Variants in PPP4R3B observed in about 807,000 individuals in gnomAD.
PPP4R3B encodes the protein protein phosphatase 4 regulatory subunit 3B.
Under a neutral mutation model 95.4 loss-of-function variants are expected in PPP4R3B, and 52 were observed. The observed-to-expected ratio is 0.54, with a 90% confidence interval of 0.44 to 0.69. PPP4R3B has a LOEUF of 0.69. Ranked by LOEUF, PPP4R3B falls within the 30% of genes least tolerant of loss-of-function variation. The pLI, the probability that PPP4R3B is intolerant of heterozygous loss-of-function variation, is 0.00. For missense variants in PPP4R3B, 1,003 were observed against 1,005.9 expected, an observed-to-expected ratio of 1.00 and a Z score of 0.04; for synonymous variants, 407 against 343.9, an observed-to-expected ratio of 1.18 and a Z score of -2.03.
chr2:55,597,532 G>A (rs1691965347), intron 4 of PPP4R3B, among the ~76,000 whole-genome samples: 1 of 152,188 alleles, frequency 6.6e-6, no homozygotes, highest in Admixed American at 6.5e-5. Context: ...TGAGGCAGGA[G>A]AATGGCGTGA....
At chr2:55,595,874 T>C (rs768932149) in intron 4 of PPP4R3B, among the ~76,000 whole-genome samples, 5 of 152,150 alleles carry the variant, frequency 3.3e-5, no homozygotes, top group Non-Finnish European at 7.3e-5. Context: ...ACTAAGTATA[T>C]AGTAGCTGCT....
intron 2 of PPP4R3B, among the ~76,000 whole-genome samples, chr2:55,607,195 GA>G (rs969325452): frequency 6.6e-6 from 1 of 152,168 alleles, no homozygotes; most frequent in African/African-American, 2.4e-5. Flanking sequence ...TCATCACCAA[GA>G]AGTGTGAGGA....
At chr2:55,607,778 C>A (rs1693624055) in intron 2 of PPP4R3B, among the ~76,000 whole-genome samples, 1 of 152,174 alleles carries the variant, frequency 6.6e-6, no homozygotes, top group South Asian at 2.1e-4. Context: ...ATCTTCTAAC[C>A]ATGCCTTGGT....
chr2:55,613,079 C>A (rs1226843011), intron 2 of PPP4R3B, among the ~76,000 whole-genome samples: 1 of 152,066 alleles, frequency 6.6e-6, no homozygotes, highest in Non-Finnish European at 1.5e-5. Context: ...CCACTGTACT[C>A]CAGCCTAAGG....
chr2:55,617,002 G>GT, intron 1 of PPP4R3B, 142 bp downstream of exon 1: 1 of 880,640 alleles, frequency 1.1e-6, no homozygotes, highest in Non-Finnish European at 1.7e-6. Context: ...ACAGTACTTT[G>GT]TTTTTGCCGT....
intron 7 of PPP4R3B, among the ~76,000 whole-genome samples, chr2:55,583,782 C>T (rs1234427447): frequency 6.6e-6 from 1 of 152,036 alleles, no homozygotes; most frequent in Non-Finnish European, 1.5e-5. Flanking sequence ...TTGAAAATAA[C>T]TAACAAACAT....
In PPP4R3B at chr2:55,617,349, T is replaced by G; in HGVS notation, c.-64A>C. The stretch of plus-strand genomic sequence containing the variant: ...CGCTTACCTCGTCCGCGCTCCTCAC[T>G]CTTAGGAGACGGTAAAGGCAGTAGT... On this transcript the variant is annotated 5_prime_UTR_variant, in exon 1 of 17. Transcript: ENST00000616407. 2 of 1,466,986 alleles carry G rather than the reference T, an allele frequency of 1.4e-6. No individual in the cohort carries two copies. Among genetic ancestry groups the G allele is most frequent in the Non-Finnish European group, 1.8e-6 (2 of 1,102,690 alleles). 90.9% of individuals were successfully genotyped at this position (1,466,986 alleles called of 1,614,324 possible).
At chr2:55,595,270 T>C (rs1691606831) in intron 4 of PPP4R3B, among the ~76,000 whole-genome samples, 1 of 150,738 alleles carries the variant, frequency 6.6e-6, no homozygotes, top group Non-Finnish European at 1.5e-5. Flanking sequence ...GTGATCCTCC[T>C]GGCCTTGGCC....
In PPP4R3B at chr2:55,603,985, ATT is replaced by A; in HGVS notation, c.288_289del (p.Lys96AsnfsTer7). The A allele has an allele frequency of 6.3e-7, 1 of 1,598,056 alleles. No homozygotes were observed. Among genetic ancestry groups the A allele is most frequent in the Non-Finnish European group, 8.5e-7 (1 of 1,175,052 alleles). ...TTATAAAAAGAAACTTACCTGACAA[ATT>A]TTTTCCCAGATCTCATCACAGCCAG... On this transcript the variant is annotated frameshift_variant, in exon 3 of 17. Transcript: ENST00000616407. LOFTEE classifies it high-confidence loss of function.
Position 55,617,166 on chromosome 2 carries a change from C to T in PPP4R3B, c.120G>A (p.Leu40=). ...TYVEELKGMS[L]LVRAESDGSL... ...TACCGTCGGACTCTGCCCGAACCAG[C>T]AGCGACATCCCCTTGAGCTCCTCCA... The change falls in exon 1 of 17, where the codon CTG becomes CTA. Residue 40 remains leucine, a synonymous_variant. Coordinates refer to ENST00000616407, the MANE Select transcript of PPP4R3B (RefSeq NM_001122964.3). 2 of 1,613,214 alleles carry T rather than the reference C, an allele frequency of 1.2e-6. No homozygotes were observed. The highest frequency in any genetic ancestry group is 1.7e-6 in the Non-Finnish European group (2 of 1,179,686).
intron 16 of PPP4R3B, among the ~76,000 whole-genome samples, chr2:55,551,725 T>C (rs1264628573): frequency 6.6e-6 from 1 of 151,976 alleles, no homozygotes. Flanking sequence ...CACTCCAGCC[T>C]GGGCAACAAG....
chr2:55,578,326 A>G lies in PPP4R3B; in HGVS notation c.1485T>C (p.His495=). The G allele has an allele frequency of 7.0e-7, 1 of 1,429,994 alleles. No individual in the cohort carries two copies. The highest frequency in any genetic ancestry group is 9.2e-7 in the Non-Finnish European group (1 of 1,089,180). The allele number at this position is 1,429,994 out of a possible 1,614,324, so 88.6% of individuals were successfully genotyped here. The change falls in exon 10 of 17, where the codon CAT becomes CAC. Residue 495 remains histidine (H), a synonymous_variant. Transcript: ENST00000616407. ...ATATGAAACTCCAACTATATCTGTA[A>G]TGTTTTAAAAAAAAATCTGAAAAAA... is the stretch of plus-strand genomic sequence containing the variant. ...DKCEKDFFLK[H]YRYSWSFICT... is the part of the protein sequence containing the mutation.
At chr2:55,599,185 C>A (rs1692214031) in intron 3 of PPP4R3B, 146 bp from the exon 4 acceptor site, 2 of 754,782 alleles carry the variant, frequency 2.6e-6, no homozygotes, top group Non-Finnish European at 4.1e-6. Flanking sequence ...CGCCTGTAAT[C>A]CCAGCACTTT....
intron 16 of PPP4R3B, among the ~76,000 whole-genome samples, chr2:55,553,079 G>A (rs542853109): frequency 1.3e-5 from 2 of 152,222 alleles, no homozygotes; most frequent in African/African-American, 4.8e-5. Context: ...CAACTACAGA[G>A]AATTCTACAT....
intron 12 of PPP4R3B, among the ~76,000 whole-genome samples, chr2:55,569,208 C>T (rs142711481): frequency 0.031 from 4,663 of 152,160 alleles, 109 homozygotes; most frequent in Non-Finnish European, 0.045. Flanking sequence ...CTTGGTCTAG[C>T]GGTAACACCA....
rs529223020 is a variant in PPP4R3B, at chr2:55,584,297, A to G, written c.1233+754T>C. On this transcript the variant is annotated intron_variant, in intron 7 of 16. Transcript: ENST00000616407. ...CTTAAGGGGAAAATTTAAATATATC[A>G]GTAGTGGGAAAACACAATATTGGTC... 3.3e-5 allele frequency among the ~76,000 whole-genome samples: 5 copies of G among 152,286 alleles called. No individual in the cohort carries two copies. In the South Asian group the frequency reaches 6.2e-4, roughly 19 times the overall value.
At chr2:55,597,635 C>CAAACAAAG (rs1267522251) in intron 4 of PPP4R3B, among the ~76,000 whole-genome samples, 2 of 150,924 alleles carry the variant, frequency 1.3e-5, no homozygotes, top group Non-Finnish European at 3.0e-5. Flanking sequence ...AACAAACAAA[C>CAAACAAAG]AAACAAACAA....
chr2:55,601,792 T>C (rs866687263), intron 3 of PPP4R3B, among the ~76,000 whole-genome samples: 4 of 152,328 alleles, frequency 2.6e-5, no homozygotes, highest in Non-Finnish European at 2.9e-5. Context: ...AACACTAGTA[T>C]TGTTGATCCA....
intron 2 of PPP4R3B, among the ~76,000 whole-genome samples, chr2:55,608,028 CAG>C (rs1281731147): frequency 6.6e-6 from 1 of 152,126 alleles, no homozygotes; most frequent in Non-Finnish European, 1.5e-5. Flanking sequence ...TTTTTTGATA[CAG>C]AGTCTCACTC....
Sources: allele counts gnomAD v4.1 joint callset (sites outside exome capture counted in the v4.1 genomes callset), GRCh38; gene constraint gnomAD v4.1.1; transcripts MANE v1.5; gene names NCBI Gene and HGNC (gene_info 2026-07-23, HGNC 2026-07-21).